PROM1: variants seen among roughly 807,000 people sequenced by gnomAD.
The protein encoded by PROM1 is prominin 1.
In PROM1, 105 loss-of-function variants were observed where a neutral mutation model predicts 116.9. The ratio of observed to expected loss-of-function variants is 0.90; its 90% CI spans 0.77 to 1.06. The LOEUF (loss-of-function observed/expected upper bound fraction) is 1.06, where lower values mean the gene tolerates loss of function less well. Among genes scored for constraint, PROM1 ranks in the 50% least tolerant of loss-of-function variants. The pLI is 0.00. For missense variants in PROM1, 1,122 were observed against 1,045.2 expected, an observed-to-expected ratio of 1.07 and a Z score of -1.01; for synonymous variants, 393 against 387.0, an observed-to-expected ratio of 1.02 and a Z score of -0.18.
At chr4:16,057,959 G>A (rs1013360880) in intron 2 of PROM1, among the ~76,000 whole-genome samples, 2 of 152,130 alleles carry the variant, frequency 1.3e-5, no homozygotes, top group Non-Finnish European at 2.9e-5. Context: ...TCCTATACCT[G>A]TGGCGAAGGG....
chr4:16,061,518 G>A (rs1381147997), intron 2 of PROM1, among the ~76,000 whole-genome samples: 4 of 152,150 alleles, frequency 2.6e-5, no homozygotes, highest in East Asian at 3.8e-4. Context: ...CCACTTTCTC[G>A]GCTGACCAGA....
At chr4:16,009,551 G>A (rs1054070618) in intron 11 of PROM1, among the ~76,000 whole-genome samples, 1 of 152,130 alleles carries the variant, frequency 6.6e-6, no homozygotes, top group Admixed American at 6.5e-5. Flanking sequence ...AGAAAGCTCT[G>A]GTAACGGGAT....
At position 16,008,985 on chromosome 4, in the gene PROM1, C is replaced by T. The variant is rs1205264540; in HGVS notation, c.1265G>A (p.Arg422Lys). ...ATACTCTTCCAATGTAGGTAAATTT[C>T]TGTGGATGTAACTTTCAGTGTTATT... ...YVNNTESYIH[R>K]NLPTLEEYDS... The change falls in exon 12 of 28, where the codon AGA becomes AAA. Residue 422 changes from arginine to lysine, a missense_variant. Physicochemically the swap from Arg to Lys is conservative, Grantham distance 26 (BLOSUM62 2). Transcript: ENST00000447510. 1.3e-6 allele frequency: 2 copies of T among 1,595,220 alleles called. No homozygotes were observed. The highest frequency in any genetic ancestry group is 1.7e-6 in the Non-Finnish European group (2 of 1,163,764).
At chr4:16,073,731 T>C (rs1156372690) in intron 2 of PROM1, among the ~76,000 whole-genome samples, 1 of 152,196 alleles carries the variant, frequency 6.6e-6, no homozygotes, top group Non-Finnish European at 1.5e-5. Flanking sequence ...CAGATTACAT[T>C]AGGATTACAA....
chr4:16,004,964 T>TC (rs1725017576), intron 13 of PROM1, among the ~76,000 whole-genome samples: 1 of 878 alleles, frequency 1.1e-3, no homozygotes, highest in African/African-American at 2.8e-3. Context: ...TCGCTCTCTC[T>TC]TTTTTTTTTT....
intron 26 of PROM1, among the ~76,000 whole-genome samples, chr4:15,977,484 C>G (rs554425230): frequency 6.6e-6 from 1 of 152,236 alleles, no homozygotes; most frequent in African/African-American, 2.4e-5. Flanking sequence ...CCAGAGCACA[C>G]CTGGCTAATT....
rs1217061831 is a variant in PROM1, at chr4:16,023,315, C to T, written c.784+11G>A. On this transcript the variant is annotated intron_variant, in intron 8 of 27. Coordinates refer to ENST00000447510, the MANE Select transcript of PROM1 (RefSeq NM_006017.3). ...TGGAACTTTCTTTGGTCATTTTTGC[C>T]CACTGCTTACCTGTTGCCATGGACT... The T allele has an allele frequency of 6.3e-7, 1 of 1,580,512 alleles. No homozygotes were observed. Among genetic ancestry groups the T allele is most frequent in the Non-Finnish European group, 8.6e-7 (1 of 1,156,342 alleles).
intron 22 of PROM1, 173 bp downstream of exon 22, chr4:15,985,587 C>T: frequency 1.6e-6 from 1 of 631,980 alleles, no homozygotes; most frequent in African/African-American, 1.9e-5. Flanking sequence ...AGGTGGCTGT[C>T]CTCTGACCTG....
intron 2 of PROM1, among the ~76,000 whole-genome samples, chr4:16,068,629 A>G (rs907899966): frequency 1.3e-5 from 2 of 152,214 alleles, no homozygotes; most frequent in Admixed American, 1.3e-4. Flanking sequence ...CATTTATTCA[A>G]TTTTGTGGAA....
chr4:16,055,460 G>C, intron 2 of PROM1: 2 of 455,806 alleles, frequency 4.4e-6, no homozygotes, highest in Non-Finnish European at 8.8e-6. Context: ...CTACAAAATG[G>C]AAGTAGGGAA....
At chr4:15,995,471 C>G (rs916636759) in intron 15 of PROM1, among the ~76,000 whole-genome samples, 1 of 152,104 alleles carries the variant, frequency 6.6e-6, no homozygotes, top group Non-Finnish European at 1.5e-5. Flanking sequence ...ACAAAGCCTA[C>G]GAGTAACATT....
At chr4:15,989,310 C>T (rs1026600722) in intron 19 of PROM1, among the ~76,000 whole-genome samples, 3 of 152,014 alleles carry the variant, frequency 2.0e-5, no homozygotes, top group Admixed American at 6.6e-5. Context: ...AGAGGAGAGA[C>T]GAAGCAACGC....
intron 3 of PROM1, among the ~76,000 whole-genome samples, chr4:16,037,477 C>A (rs1734198257): frequency 6.6e-6 from 1 of 152,142 alleles, no homozygotes; most frequent in African/African-American, 2.4e-5. Context: ...GTATAATTTT[C>A]TTGCAAGTTA....
chr4:16,069,427 A>G (rs969468915), intron 2 of PROM1, among the ~76,000 whole-genome samples: 5 of 152,250 alleles, frequency 3.3e-5, no homozygotes, highest in African/African-American at 1.2e-4. Context: ...CATCCACATC[A>G]GACAATCTTT....
intron 13 of PROM1, 96 bp from the exon 14 acceptor site, chr4:16,000,715 T>TG: frequency 1.8e-6 from 2 of 1,096,692 alleles, no homozygotes; most frequent in Admixed American, 2.9e-5. Context: ...AAAATAGCCC[T>TG]GGGGTCTTCA....
intron 10 of PROM1, 99 bp from the exon 11 acceptor site, chr4:16,013,437 T>C (rs1210808179): frequency 6.4e-6 from 5 of 776,484 alleles, no homozygotes; most frequent in Middle Eastern, 4.6e-4. Context: ...AGAGGCAAAA[T>C]AAAAATATAA....
intron 26 of PROM1, among the ~76,000 whole-genome samples, chr4:15,974,118 T>TTCTCTC (rs35011290): frequency 0.46 from 68,799 of 149,206 alleles, 15,951 homozygotes; most frequent in Middle Eastern, 0.55. Context: ...CTCTCTCTCT[T>TTCTCTC]TCTCTCTCTC....
intron 19 of PROM1, among the ~76,000 whole-genome samples, chr4:15,989,089 C>G (rs1002622832): frequency 2.0e-5 from 3 of 152,140 alleles, no homozygotes; most frequent in Non-Finnish European, 4.4e-5. Context: ...TCCTTCATTT[C>G]CATGAACAGG....
chr4:16,010,599 G>GC (rs2149259538), intron 11 of PROM1, among the ~76,000 whole-genome samples: 1 of 152,310 alleles, frequency 6.6e-6, no homozygotes, highest in East Asian at 1.9e-4. Context: ...AACCTCCTGG[G>GC]CTCAAGGATC....
Sources: gnomAD v4.1 joint callset for allele counts (sites outside exome capture counted in the v4.1 genomes callset) on GRCh38, gnomAD v4.1.1 for gene constraint, MANE v1.5 for transcripts, NCBI Gene and HGNC (gene_info 2026-07-23, HGNC 2026-07-21) for gene names.